The following DCDC2B variants were observed in gnomAD, a reference collection of about 807,000 sequenced individuals.
DCDC2B encodes the protein doublecortin domain containing 2B.
In DCDC2B, 41 loss-of-function variants were observed where a neutral mutation model predicts 38.9. The ratio of observed to expected loss-of-function variants is 1.05; its 90% CI spans 0.82 to 1.37. DCDC2B has a LOEUF of 1.37. DCDC2B is among the 40% of genes most tolerant of loss of function. DCDC2B has a pLI of 0.00. For missense variants in DCDC2B, 453 were observed against 427.2 expected (o/e 1.06, Z -0.53); for synonymous variants, 181 against 171.9 (o/e 1.05, Z -0.41).
intron 3 of DCDC2B, 100 bp downstream of exon 3, chr1:32,211,937 G>A: frequency 1.3e-6 from 2 of 1,537,764 alleles, no homozygotes; most frequent in East Asian, 2.4e-5. Flanking sequence ...TTACTGTTGG[G>A]AATGTAGAAG....
intron 6 of DCDC2B, among the ~76,000 whole-genome samples, chr1:32,214,038 G>A (rs1643695420): frequency 6.6e-6 from 1 of 151,934 alleles, no homozygotes; most frequent in Non-Finnish European, 1.5e-5. Context: ...CCTTGGGCAC[G>A]ATGGCTCACA....
Position 32,216,093 on chromosome 1 carries a change from G to A in DCDC2B, c.*196G>A, listed in dbSNP as rs1019344416. 4.5e-6 allele frequency: 3 copies of A among 673,622 alleles called. No individual in the cohort carries two copies. Among genetic ancestry groups the A allele is most frequent in the African/African-American group, 1.8e-5 (1 of 55,050 alleles). The allele number at this position is 673,622 out of a possible 1,614,324, so 41.7% of individuals were successfully genotyped here. On this transcript the variant is annotated 3_prime_UTR_variant, in exon 9 of 9. Transcript: ENST00000409358. Reference sequence around the variant, plus strand: ...CCCTTCCTCTGAGCAGAGCAGCCCTGGCTGTGGGGGCTATTTCCTTATGGG... The same window carrying A: ...CCCTTCCTCTGAGCAGAGCAGCCCTAGCTGTGGGGGCTATTTCCTTATGGG...
chr1:32,212,647 G>A lies in DCDC2B; in HGVS notation c.674+11G>A, dbSNP rs773817905. ...GCCCAGGGGCTGCTGGTATGTATGT[G>A]GGAGGTGGAGCGGTAACAGGCCGGG... is the stretch of plus-strand genomic sequence containing the variant. On this transcript the variant is annotated intron_variant, in intron 5 of 8. Transcript: ENST00000409358. The A allele has an allele frequency of 1.9e-5, 30 of 1,613,614 alleles. No individual in the cohort carries two copies. The Middle Eastern group carries it at 6.6e-4, about 35-fold the overall frequency.
intron 5 of DCDC2B, 22 bp downstream of exon 5, chr1:32,212,658 C>T (rs200065371): frequency 5.2e-4 from 846 of 1,613,190 alleles, no homozygotes; most frequent in Middle Eastern, 3.8e-3. Flanking sequence ...GGAGGTGGAG[C>T]GGTAACAGGC....
In DCDC2B at chr1:32,209,217, G is replaced by C. The variant is rs372189623; in HGVS notation, c.124G>C (p.Glu42Gln). 4.3e-6 allele frequency: 7 copies of C among 1,613,994 alleles called. No individual in the cohort carries two copies. Among genetic ancestry groups the C allele is most frequent in the Non-Finnish European group, 5.9e-6 (7 of 1,179,870 alleles). Residue 42 changes from glutamate to glutamine, a missense_variant, in exon 1 of 9, where the codon GAG becomes CAG. Transcript: ENST00000409358. ...RFPTMEAFLC[E>Q]VTSAVQAPLA... ...CCCCACCATGGAGGCCTTCCTCTGC[G>C]AGGTGACATCAGCTGTGCAGGCCCC...
chr1:32,215,084 C>G, intron 7 of DCDC2B, 152 bp downstream of exon 7: 2 of 1,137,526 alleles, frequency 1.8e-6, no homozygotes, highest in Non-Finnish European at 2.4e-6. Context: ...GGAGTCTGAA[C>G]CTACTGTGGC....
intron 4 of DCDC2B, 33 bp from the exon 5 acceptor site, chr1:32,212,457 C>T: frequency 1.9e-6 from 3 of 1,610,228 alleles, no homozygotes; most frequent in Non-Finnish European, 2.5e-6. Context: ...ATCGAGTCTA[C>T]CAGCCCTTAT....
chr1:32,211,883 T>G, intron 3 of DCDC2B, 46 bp downstream of exon 3: 3 of 1,572,840 alleles, frequency 1.9e-6, no homozygotes, highest in Non-Finnish European at 2.6e-6. Flanking sequence ...TTTGTTTTAG[T>G]AAGGCCAAGA....
chr1:32,215,360 G>C, intron 7 of DCDC2B, 80 bp from the exon 8 acceptor site: 1 of 1,206,714 alleles, frequency 8.3e-7, no homozygotes, highest in Non-Finnish European at 1.2e-6. Flanking sequence ...GGAGGGAAAG[G>C]GGCTAGCATG....
Position 32,211,336 on chromosome 1 carries a change from GAAC to G in DCDC2B, c.318+14_318+16del. Reference sequence around the variant, plus strand: ...CTGCAGACTACAAGTGAGTCCCGGGGAACCTGTGCCCCAGCCCCTCTGTCTTCC... The same window carrying G: ...CTGCAGACTACAAGTGAGTCCCGGGGCTGTGCCCCAGCCCCTCTGTCTTCC... On this transcript the variant is annotated intron_variant, in intron 2 of 8. Coordinates refer to ENST00000409358, the MANE Select transcript of DCDC2B (RefSeq NM_001099434.2). 1 of 1,613,652 alleles carries G rather than the reference GAAC, an allele frequency of 6.2e-7. No homozygotes were observed. Among genetic ancestry groups the G allele is most frequent in the Non-Finnish European group, 8.5e-7 (1 of 1,179,794 alleles).
intron 3 of DCDC2B, 62 bp from the exon 4 acceptor site, chr1:32,212,008 C>T: frequency 1.3e-6 from 2 of 1,581,808 alleles, no homozygotes; most frequent in South Asian, 2.3e-5. Context: ...CCCTGTGCCA[C>T]CCTTCCCCTC....
At chr1:32,211,443 T>C in intron 2 of DCDC2B, 120 bp downstream of exon 2, 1 of 1,004,126 alleles carries the variant, frequency 1.0e-6, no homozygotes. Context: ...GGGGGGTACT[T>C]TGGAGCCAGC....
Position 32,215,847 on chromosome 1 carries a change from C to G in DCDC2B, c.1000C>G (p.Pro334Ala), listed in dbSNP as rs1557537037. 1 of 1,553,214 alleles carries G rather than the reference C, an allele frequency of 6.4e-7. No homozygotes were observed. The highest frequency in any genetic ancestry group is 1.4e-5 in the African/African-American group (1 of 73,260). The stretch of plus-strand genomic sequence containing the variant: ...AGAGGCCTTGTCCCTGGAAAACCAG[C>G]CTGGGGCTGGGGCTGCTATCTCAGC... ...VEEALSLENQ[P>A]GAGAAISASA... The change falls in exon 9 of 9, where the codon CCT becomes GCT. Residue 334 changes from proline (P) to alanine (A), a missense_variant. Pro to Ala is a conservative substitution (Grantham distance 27). Transcript: ENST00000409358.
rs72666785 is a variant in DCDC2B, at chr1:32,214,950, C to T, written c.850+18C>T. 14,641 of 1,613,648 alleles carry T rather than the reference C, an allele frequency of 9.1e-3. 100 individuals are homozygous for T. The highest frequency in any genetic ancestry group is 0.011 in the Non-Finnish European group (12,596 of 1,179,710). On this transcript the variant is annotated intron_variant, in intron 7 of 8. Transcript: ENST00000409358. ...CCCATCAGGTGAGGGGTCCCTGGGG[C>T]TCAGGCCCTTCTCAGCTGCCCTTTG... is the stretch of plus-strand genomic sequence containing the variant.
intron 3 of DCDC2B, 71 bp from the exon 4 acceptor site, chr1:32,211,999 C>T (rs776607038): frequency 5.7e-6 from 9 of 1,571,354 alleles, no homozygotes; most frequent in African/African-American, 1.4e-5. Context: ...TATTGCTGGC[C>T]CTGTGCCACC....
Position 32,212,762 on chromosome 1 carries a change from C to T in DCDC2B, c.683C>T (p.Pro228Leu), listed in dbSNP as rs373873230. ...PSLPRGCWQP[P>L]GSKSRPHRQG... The stretch of plus-strand genomic sequence containing the variant: ...TCCTTTTGTCATTGTAGGCAACCTC[C>T]AGGCTCGAAGTCTAGGCCCCACAGG... Residue 228 changes from proline (P) to leucine (L), a missense_variant, in exon 6 of 9, where the codon CCA becomes CTA. Pro to Leu is a moderately conservative substitution (Grantham distance 98). Transcript: ENST00000409358. The T allele has an allele frequency of 1.9e-6, 3 of 1,613,836 alleles. No individual in the cohort carries two copies. The African/African-American group carries it at 4.0e-5, about 22-fold the overall frequency.
At chr1:32,212,712 A>G in intron 5 of DCDC2B, 42 bp from the exon 6 acceptor site, 2 of 1,613,442 alleles carry the variant, frequency 1.2e-6, no homozygotes, top group East Asian at 2.2e-5. Context: ...CTTTGACTCT[A>G]TGCCCTCTGC....
At chr1:32,211,664 A>G in intron 2 of DCDC2B, 97 bp from the exon 3 acceptor site, 1 of 1,252,262 alleles carries the variant, frequency 8.0e-7, no homozygotes, top group Non-Finnish European at 1.1e-6. Context: ...TTCCTGCCCC[A>G]GTCTGGTTCC....
chr1:32,209,382 AAC>A lies in DCDC2B; in HGVS notation c.266+25_266+26del, dbSNP rs556685749. ...CCAGTGAGTGGGCTGGGGCTGGTCA[AAC>A]AGCCTAGCAAGGGAGGTAACGGCAA... On this transcript the variant is annotated intron_variant, in intron 1 of 8. Coordinates refer to ENST00000409358, the MANE Select transcript of DCDC2B (RefSeq NM_001099434.2). 2,232 of 1,611,686 alleles carry A rather than the reference AAC, an allele frequency of 1.4e-3. 5 individuals are homozygous for A. Among genetic ancestry groups the A allele is most frequent in the Middle Eastern group, 2.1e-3 (13 of 6,050 alleles).
Sources: gnomAD v4.1 joint callset for allele counts (sites outside exome capture counted in the v4.1 genomes callset) on GRCh38, gnomAD v4.1.1 for gene constraint, MANE v1.5 for transcripts, NCBI Gene and HGNC (gene_info 2026-07-23, HGNC 2026-07-21) for gene names.